The following ARHGAP6 variants were observed in gnomAD, a reference collection of about 807,000 sequenced individuals.
ARHGAP6 encodes Rho GTPase activating protein 6, also known as rho GTPase-activating protein 6.
In ARHGAP6, 16 loss-of-function variants were observed where a neutral mutation model predicts 55.7. That is an observed-to-expected ratio of 0.29 (90% CI 0.19 to 0.44). ARHGAP6 has a LOEUF of 0.44. Among genes scored for constraint, ARHGAP6 ranks in the 20% least tolerant of loss-of-function variants. The pLI, the probability that ARHGAP6 is intolerant of heterozygous loss-of-function variation, is 1.00. For missense variants in ARHGAP6, 698 were observed against 808.9 expected, an observed-to-expected ratio of 0.86 and a Z score of 1.66; for synonymous variants, 382 against 360.9, an observed-to-expected ratio of 1.06 and a Z score of -0.66.
chrX:11,385,443 T>A (rs774414945), intron 1 of ARHGAP6, among the ~76,000 whole-genome samples: 3 of 111,779 alleles, frequency 2.7e-5, no homozygotes, highest in Non-Finnish European at 5.6e-5. Context: ...GTAATATTGA[T>A]AAAATACATG....
At chrX:11,198,258 C>A (rs1376957681) in intron 2 of ARHGAP6, among the ~76,000 whole-genome samples, 1 of 111,831 alleles carries the variant, frequency 8.9e-6, no homozygotes, top group Non-Finnish European at 1.9e-5. Context: ...GAAAATAGTT[C>A]ATAAGAATCT....
intron 3 of ARHGAP6, among the ~76,000 whole-genome samples, chrX:11,193,290 T>A (rs1440556635): frequency 8.9e-6 from 1 of 112,803 alleles, no homozygotes; most frequent in Admixed American, 9.4e-5. Flanking sequence ...TCATTTAGAG[T>A]TTCCTGTTTT....
At chrX:11,459,476 C>T (rs1234361409) in intron 1 of ARHGAP6, among the ~76,000 whole-genome samples, 1 of 111,474 alleles carries the variant, frequency 9.0e-6, no homozygotes, top group Non-Finnish European at 1.9e-5. Flanking sequence ...GCTGGAAAGG[C>T]TACCTGGTGG....
chrX:11,358,363 C>T (rs1441743860), intron 1 of ARHGAP6, among the ~76,000 whole-genome samples: 3 of 111,588 alleles, frequency 2.7e-5, no homozygotes, highest in African/African-American at 9.8e-5. Flanking sequence ...CATATATGTT[C>T]ATTTCTCTTA....
At chrX:11,658,532 T>G (rs755155496) in intron 1 of ARHGAP6, among the ~76,000 whole-genome samples, 19 of 110,523 alleles carry the variant, frequency 1.7e-4, no homozygotes, top group Non-Finnish European at 3.0e-4. Flanking sequence ...GCCTCTATTT[T>G]TAAACACAAT....
At chrX:11,240,811 G>A (rs2047264835) in intron 2 of ARHGAP6, among the ~76,000 whole-genome samples, 2 of 109,642 alleles carry the variant, frequency 1.8e-5, no homozygotes, top group Admixed American at 9.8e-5. Flanking sequence ...TTGGGACACC[G>A]AGGCAGGTGG....
intron 1 of ARHGAP6, among the ~76,000 whole-genome samples, chrX:11,401,429 C>T (rs1026070372): frequency 8.9e-6 from 1 of 111,917 alleles, no homozygotes; most frequent in Non-Finnish European, 1.9e-5. Context: ...GCACTGTAGA[C>T]ATTTGGGTCT....
chrX:11,559,187 C>G (rs1032975085), intron 1 of ARHGAP6, among the ~76,000 whole-genome samples: 1 of 109,389 alleles, frequency 9.1e-6, no homozygotes, highest in African/African-American at 3.3e-5. Flanking sequence ...GAAGCAATGC[C>G]ACTTTCACCT....
At chrX:11,429,816 A>G (rs1237334073) in intron 1 of ARHGAP6, among the ~76,000 whole-genome samples, 1 of 112,384 alleles carries the variant, frequency 8.9e-6, no homozygotes, top group Non-Finnish European at 1.9e-5. Context: ...CAAAGTCATC[A>G]AAGATCCTCA....
intron 1 of ARHGAP6, among the ~76,000 whole-genome samples, chrX:11,256,034 C>T (rs17255559): frequency 0.023 from 2,538 of 111,476 alleles, 33 homozygotes; most frequent in Non-Finnish European, 0.035. Flanking sequence ...TACTGGCCCA[C>T]GCAGGGACTC....
At chrX:11,642,789 G>T (rs775265995) in intron 1 of ARHGAP6, among the ~76,000 whole-genome samples, 1 of 111,375 alleles carries the variant, frequency 9.0e-6, no homozygotes, top group Non-Finnish European at 1.9e-5. Context: ...TGAGGGCAAG[G>T]AACAGTGGAG....
intron 1 of ARHGAP6, among the ~76,000 whole-genome samples, chrX:11,563,738 C>A (rs984856939): frequency 8.1e-5 from 9 of 111,124 alleles, no homozygotes; most frequent in Non-Finnish European, 1.9e-5. Flanking sequence ...TACTTAAAAT[C>A]AAAGTGAAGT....
intron 1 of ARHGAP6, among the ~76,000 whole-genome samples, chrX:11,569,648 C>T (rs2051488812): frequency 8.9e-6 from 1 of 111,752 alleles, no homozygotes; most frequent in Non-Finnish European, 1.9e-5. Context: ...CCATAGTGGC[C>T]TCTCCTAACC....
intron 1 of ARHGAP6, among the ~76,000 whole-genome samples, chrX:11,434,419 C>T (rs765602057): frequency 2.7e-5 from 3 of 111,363 alleles, no homozygotes; most frequent in Admixed American, 9.5e-5. Context: ...TGGGTCTCCA[C>T]GCAACACTGT....
rs186202179 is a variant in ARHGAP6 at position 11,447,118 on chromosome X, G to A, written c.589-192411C>T. On this transcript the variant is annotated intron_variant, in intron 1 of 12. Coordinates refer to ENST00000337414, the MANE Select transcript of ARHGAP6 (RefSeq NM_013427.3). ...GAAATGACACTGTAGCGTCAGACAC[G>A]CACTTTCTCCAAGATGAGGGAGGAG... Among the ~76,000 whole-genome samples, 55 of 111,936 alleles carry A rather than the reference G, an allele frequency of 4.9e-4. No homozygotes were observed. In the East Asian group the frequency reaches 9.0e-3, roughly 18 times the overall value.
intron 1 of ARHGAP6, among the ~76,000 whole-genome samples, chrX:11,527,808 T>C (rs1232198153): frequency 8.9e-6 from 1 of 112,223 alleles, no homozygotes; most frequent in Non-Finnish European, 1.9e-5. Context: ...TGCATGGTTC[T>C]AGATGGGTTG....
At chrX:11,251,242 A>T (rs1198577407) in intron 2 of ARHGAP6, among the ~76,000 whole-genome samples, 1 of 111,373 alleles carries the variant, frequency 9.0e-6, no homozygotes, top group East Asian at 2.8e-4. Flanking sequence ...GGACGCTGAG[A>T]CGCAATCTGG....
At chrX:11,264,011 A>G (rs937655358) in intron 1 of ARHGAP6, among the ~76,000 whole-genome samples, 1 of 111,588 alleles carries the variant, frequency 9.0e-6, no homozygotes, top group East Asian at 2.8e-4. Context: ...ACAGGCCACA[A>G]TTGCAGAGTT....
intron 4 of ARHGAP6, 123 bp downstream of exon 4, chrX:11,188,605 T>A (rs762043387): frequency 2.9e-5 from 29 of 1,002,175 alleles, no homozygotes; most frequent in Non-Finnish European, 3.9e-5. Flanking sequence ...ATTAATGGCA[T>A]TGTTGACAGA....
Sources: gnomAD v4.1 joint callset for allele counts (sites outside exome capture counted in the v4.1 genomes callset) on GRCh38, gnomAD v4.1.1 for gene constraint, MANE v1.5 for transcripts, NCBI Gene and HGNC (gene_info 2026-07-23, HGNC 2026-07-21) for gene names.